RFC5: variants seen among roughly 807,000 people sequenced by gnomAD.
RFC5 encodes the protein A1 36 kDa subunit.
A neutral mutation model predicts 44.3 loss-of-function variants in RFC5; 26 were observed. The observed-to-expected ratio is 0.59, with a 90% CI of 0.43 to 0.81. RFC5 has a LOEUF of 0.81. Among genes scored for constraint, RFC5 ranks in the 40% least tolerant of loss-of-function variants. RFC5 has a pLI of 0.00. For synonymous variants in RFC5, 155 were observed against 155.2 expected, an observed-to-expected ratio of 1.00 and a Z score of 0.01; for missense variants, 328 against 418.6, an observed-to-expected ratio of 0.78 and a Z score of 1.89.
intron 4 of RFC5, 141 bp downstream of exon 4, chr12:118,021,126 T>G: frequency 1.7e-6 from 1 of 578,046 alleles, no homozygotes; most frequent in East Asian, 2.9e-5. Flanking sequence ...GGAAAAGAGA[T>G]AAACGAGAGG....
downstream of RFC5, among the ~76,000 whole-genome samples, chr12:118,037,486 G>A (rs2031538974): frequency 6.6e-6 from 1 of 151,960 alleles, no homozygotes; most frequent in Non-Finnish European, 1.5e-5. Context: ...GGCTAATATG[G>A]TGAAACCTCA....
In RFC5 at chr12:118,031,246, G is replaced by A. The variant is rs2031306356; in HGVS notation, c.991G>A (p.Val331Ile). Reference sequence around the variant, plus strand: ...GAGCTCCCTCATTGCTGCATTTCAAGTCACCAGAGACCTGATTGTTGCAGA... The same window carrying A: ...GAGCTCCCTCATTGCTGCATTTCAAATCACCAGAGACCTGATTGTTGCAGA... ...QLSSLIAAFQ[V>I]TRDLIVAEA The change falls in exon 11 of 11, where the codon GTC becomes ATC. Residue 331 changes from valine (V) to isoleucine (I), a missense_variant. Coordinates refer to ENST00000454402, the MANE Select transcript of RFC5 (RefSeq NM_007370.7). 1 of 1,613,724 alleles carries A rather than the reference G, an allele frequency of 6.2e-7. No homozygotes were observed. The highest frequency in any genetic ancestry group is 8.5e-7 in the Non-Finnish European group (1 of 1,179,814).
intron 1 of RFC5, chr12:118,017,877 A>G (rs1012692735): frequency 7.5e-6 from 5 of 667,192 alleles, no homozygotes; most frequent in Non-Finnish European, 1.4e-5. Context: ...CATTAAGTAC[A>G]TTCAGAATGC....
rs1363443675 is a variant in RFC5, at chr12:118,019,351, T to C, written c.130+215T>C. On this transcript the variant is annotated intron_variant, in intron 2 of 10. Transcript: ENST00000454402. This position sits in a 1 kb window ranked among gnomAD's most constrained non-coding sequence, Gnocchi z 4.2. ...AAATTGCAACACAGTGGAGTAAAAA[T>C]AGCATTACGGAGAATCATTTAAGTT... 6.6e-6 allele frequency among the ~76,000 whole-genome samples: 1 copy of C among 152,134 alleles called. No homozygotes were observed. The highest frequency in any genetic ancestry group is 1.5e-5 in the Non-Finnish European group (1 of 68,034).
chr12:118,017,282 C>G (rs1469825004), intron 1 of RFC5, among the ~76,000 whole-genome samples: 1 of 152,234 alleles, frequency 6.6e-6, no homozygotes, highest in Non-Finnish European at 1.5e-5. Context: ...AGTAATAACG[C>G]TCCCTGGTCA....
At chr12:118,017,743 T>C (rs759032791) in intron 1 of RFC5, 47 of 665,130 alleles carry the variant, frequency 7.1e-5, no homozygotes, top group South Asian at 7.0e-4. Context: ...TGATCACAGC[T>C]CAGTGTAACC....
At chr12:118,036,403 C>T (rs748861369), downstream of RFC5, 27 of 1,614,012 alleles carry the variant, frequency 1.7e-5, no homozygotes, top group African/African-American at 6.7e-5. Context: ...CGTAAGAAGC[C>T]GTGACAAGCA....
chr12:118,024,469 A>G (rs1593445460), intron 5 of RFC5, among the ~76,000 whole-genome samples: 1 of 151,826 alleles, frequency 6.6e-6, no homozygotes, highest in East Asian at 2.0e-4. Flanking sequence ...TCTGTTGCCC[A>G]CGCTGGAGTG....
intron 1 of RFC5, among the ~76,000 whole-genome samples, chr12:118,017,518 G>T (rs117736940): frequency 1.3e-5 from 2 of 152,134 alleles, no homozygotes; most frequent in Non-Finnish European, 1.5e-5. Flanking sequence ...TACTTAAACA[G>T]CTATGTTCTC....
At chr12:118,029,922 A>C (rs2031205254) in intron 10 of RFC5, 97 bp downstream of exon 10, 1 of 922,968 alleles carries the variant, frequency 1.1e-6, no homozygotes, top group African/African-American at 1.6e-5. Context: ...TTTTTTTCCT[A>C]AATCGTTCAC....
chr12:118,035,395 G>C, downstream of RFC5: 1 of 1,415,754 alleles, frequency 7.1e-7, no homozygotes, highest in Non-Finnish European at 9.9e-7. Context: ...ATCACCCTAG[G>C]CAGGAAGCCA....
In RFC5 at chr12:118,019,886, A is replaced by C. The variant is rs1339331425; in HGVS notation, c.267+118A>C. On this transcript the variant is annotated intron_variant, in intron 3 of 10. Transcript: ENST00000454402. This position sits in a 1 kb window ranked among gnomAD's most constrained non-coding sequence, Gnocchi z 4.2. ...TTGCCCCACGGACAGTTAGGAAAGA[A>C]GTAAATTTGAATATTTTAATTCCCT... The C allele has an allele frequency of 7.5e-6, 6 of 805,352 alleles. No homozygotes were observed. Among genetic ancestry groups the C allele is most frequent in the Non-Finnish European group, 1.2e-5 (6 of 516,978 alleles). 49.9% of individuals were successfully genotyped at this position (805,352 alleles called of 1,614,324 possible).
chr12:118,032,314 C>T (rs1226017303), downstream of RFC5: 2 of 152,202 alleles, frequency 1.3e-5, no homozygotes, highest in Non-Finnish European at 2.9e-5. Context: ...CCCTTAAGGA[C>T]AGCGGCAAAG....
At chr12:118,040,005 C>G in the RFC5 span, among the ~76,000 whole-genome samples, 1 of 152,066 alleles carries the variant, frequency 6.6e-6, no homozygotes, top group East Asian at 1.9e-4. Context: ...CTTGGCCTCC[C>G]AAAGTGCTTT....
In RFC5 at chr12:118,016,788, C is replaced by G. The variant is rs189754010; in HGVS notation, c.-40C>G. 7,514 of 1,569,546 alleles carry G rather than the reference C, an allele frequency of 4.8e-3. 16 individuals carry two copies. The highest frequency in any genetic ancestry group is 5.6e-3 in the Non-Finnish European group (6,399 of 1,150,456). ...TCACTGTGCAGGCGCTTGGGTGACG[C>G]GACGATCTCAGCGGATCTGGTCACC... On this transcript the variant is annotated 5_prime_UTR_variant, in exon 1 of 11. Coordinates refer to ENST00000454402, the MANE Select transcript of RFC5 (RefSeq NM_007370.7).
At chr12:118,025,430 G>A (rs755012086) in intron 6 of RFC5, 2 of 343,524 alleles carry the variant, frequency 5.8e-6, no homozygotes, top group South Asian at 6.0e-5. Flanking sequence ...GAGGAGTTTC[G>A]GCTGTGTGAT....
chr12:118,029,616 G>C (rs2031182438), intron 9 of RFC5, among the ~76,000 whole-genome samples, 155 bp from the exon 10 acceptor site: 1 of 151,844 alleles, frequency 6.6e-6, no homozygotes, highest in South Asian at 2.1e-4. Flanking sequence ...AACCAGCACT[G>C]TTTCTACTTT....
intron 3 of RFC5, 55 bp from the exon 4 acceptor site, chr12:118,020,851 T>C: frequency 8.6e-7 from 1 of 1,166,490 alleles, no homozygotes; most frequent in Non-Finnish European, 1.3e-6. Context: ...CACCAAGAAC[T>C]CACAGATAGC....
Position 118,025,168 on chromosome 12 carries a change from C to A in RFC5, c.581+158C>A, listed in dbSNP as rs867377393. The A allele has an allele frequency of 6.5e-5, 37 of 566,406 alleles. No individual in the cohort carries two copies. The African/African-American group carries it at 6.7e-4, about 10-fold the overall frequency. The allele number at this position is 566,406 out of a possible 1,614,324, so 35.1% of individuals were successfully genotyped here. ...GGGGACCGTCCACTGCTATCATTTT[C>A]TCTGCTGTCTCAAGGCCATTCCTCA... On this transcript the variant is annotated intron_variant, in intron 6 of 10. Transcript: ENST00000454402.
Sources: gnomAD v4.1 joint callset for allele counts (sites outside exome capture counted in the v4.1 genomes callset) on GRCh38, gnomAD v4.1.1 for gene constraint, Gnocchi (gnomAD v3.1) non-coding constraint, MANE v1.5 for transcripts, NCBI Gene and HGNC (gene_info 2026-07-23, HGNC 2026-07-21) for gene names.